The following FUCA1 variants were observed in gnomAD, a reference collection of about 807,000 sequenced individuals.
FUCA1 encodes alpha-L-fucosidase 1.
In FUCA1, 52 loss-of-function variants were observed where a neutral mutation model predicts 56.8. The observed-to-expected ratio is 0.92, with a 90% CI of 0.73 to 1.15. The LOEUF is 1.15. Among genes scored for constraint, FUCA1 ranks in the 50% most tolerant of loss-of-function variants. The pLI, the probability that FUCA1 is intolerant of heterozygous loss-of-function variation, is 0.00. For missense variants in FUCA1, 568 were observed against 592.6 expected (o/e 0.96, Z 0.43); for synonymous variants, 230 against 226.6 (o/e 1.02, Z -0.14).
chr1:23,851,298 C>T (rs1045421903), intron 5 of FUCA1, among the ~76,000 whole-genome samples: 5 of 151,864 alleles, frequency 3.3e-5, no homozygotes, highest in Admixed American at 2.0e-4. Context: ...CGGGAGACGG[C>T]GGTTGCAGCA....
At chr1:23,856,991 CAAAAAAAAAAGAAAAG>C (rs1223910972) in intron 4 of FUCA1, among the ~76,000 whole-genome samples, 5 of 128,356 alleles carry the variant, frequency 3.9e-5, no homozygotes, top group East Asian at 4.3e-4. Context: ...GACTCCCTCT[CAAAAAAAAAAGAAAAG>C]AAAAAAAAAA....
At chr1:23,858,463 T>C (rs920742460) in intron 4 of FUCA1, among the ~76,000 whole-genome samples, 6 of 152,202 alleles carry the variant, frequency 3.9e-5, no homozygotes, top group Non-Finnish European at 5.9e-5. Flanking sequence ...ATCTAGAACA[T>C]GTACAATCGT....
chr1:23,853,433 G>C (rs999239589), intron 5 of FUCA1, among the ~76,000 whole-genome samples: 1 of 151,546 alleles, frequency 6.6e-6, no homozygotes, highest in Non-Finnish European at 1.5e-5. Flanking sequence ...CCGTCCGGGA[G>C]GGAGGTGGGG....
rs55974551 is a variant in FUCA1, at chr1:23,850,544, C to T, written c.970-1705G>A. Among the ~76,000 whole-genome samples, 90 of 152,058 alleles carry T rather than the reference C, an allele frequency of 5.9e-4. 1 individual carries two copies. The highest frequency in any genetic ancestry group is 5.6e-3 in the East Asian group (29 of 5,158). On this transcript the variant is annotated intron_variant, in intron 5 of 7. Coordinates refer to ENST00000374479, the MANE Select transcript of FUCA1 (RefSeq NM_000147.5). ...TGTCACCCAGGCTGGAGTGCAGTGG[C>T]GCAATCTCAGCTCACTGCAACCTCT...
chr1:23,865,509 C>G lies in FUCA1; in HGVS notation c.506G>C (p.Gly169Ala). 1 of 1,614,208 alleles carries G rather than the reference C, an allele frequency of 6.2e-7. No homozygotes were observed. ...CACTCACCTCTTCCGGAGAGCTGTT[C>G]CCAATTCACCAACCAAATCCCGATG... ...GPHRDLVGEL[G>A]TALRKRNIRY... The change falls in exon 2 of 8, where the codon GGA becomes GCA. Residue 169 changes from glycine to alanine, a missense_variant. By Grantham distance (60) the Gly-to-Ala change is moderately conservative. Coordinates refer to ENST00000374479, the MANE Select transcript of FUCA1 (RefSeq NM_000147.5).
intron 6 of FUCA1, among the ~76,000 whole-genome samples, chr1:23,846,396 T>C (rs1639141955): frequency 6.6e-6 from 1 of 151,824 alleles, no homozygotes; most frequent in African/African-American, 2.4e-5. Context: ...TTCAGCCTCC[T>C]GAGTCACTGG....
At chr1:23,854,293 A>G in intron 5 of FUCA1, 67 bp downstream of exon 5, 2 of 1,305,714 alleles carry the variant, frequency 1.5e-6, no homozygotes, top group African/African-American at 1.5e-5. Flanking sequence ...TGAACATTAT[A>G]TAAAATAAAT....
intron 3 of FUCA1, 82 bp downstream of exon 3, chr1:23,863,052 C>T: frequency 1.4e-6 from 2 of 1,438,986 alleles, no homozygotes; most frequent in Non-Finnish European, 2.0e-6. Context: ...ATACCTATCC[C>T]TCCTCCACTT....
At chr1:23,858,758 T>A (rs1036101917) in intron 4 of FUCA1, among the ~76,000 whole-genome samples, 8 of 152,202 alleles carry the variant, frequency 5.3e-5, no homozygotes, top group African/African-American at 1.7e-4. Context: ...TTCTTTATTT[T>A]TATTTTTTGG....
intron 5 of FUCA1, among the ~76,000 whole-genome samples, chr1:23,852,558 G>C (rs199723841): frequency 0.42 from 63,044 of 151,418 alleles, 13,078 homozygotes; most frequent in East Asian, 0.47. Flanking sequence ...GCCACCTCGG[G>C]TCACTGCAGC....
intron 2 of FUCA1, among the ~76,000 whole-genome samples, chr1:23,864,606 C>T (rs1362215632): frequency 1.3e-5 from 2 of 152,070 alleles, no homozygotes; most frequent in Non-Finnish European, 2.9e-5. Flanking sequence ...CATATCTAAT[C>T]AATATCTCAG....
At chr1:23,866,222 G>C (rs1352087346) in intron 1 of FUCA1, among the ~76,000 whole-genome samples, 1 of 152,226 alleles carries the variant, frequency 6.6e-6, no homozygotes, top group Non-Finnish European at 1.5e-5. Context: ...TGGGGCATAA[G>C]AATCACTTGA....
Position 23,866,199 on chromosome 1 carries a change from G to A in FUCA1, c.390-574C>T, listed in dbSNP as rs972265911. Among the ~76,000 whole-genome samples the A allele has an allele frequency of 5.3e-5, 8 of 152,122 alleles. No individual in the cohort carries two copies. In the East Asian group the frequency reaches 1.2e-3, roughly 22 times the overall value. On this transcript the variant is annotated intron_variant, in intron 1 of 7. Transcript: ENST00000374479. ...TGGTGGTGTGTGCCTGTAGTCCCAG[G>A]TATTTGAGAGGCTGGGGCATAAGAA...
At chr1:23,851,114 A>G (rs1159337164) in intron 5 of FUCA1, among the ~76,000 whole-genome samples, 2 of 152,124 alleles carry the variant, frequency 1.3e-5, no homozygotes, top group Non-Finnish European at 2.9e-5. Flanking sequence ...TGCTCTAAAC[A>G]TTAACCCATA....
chr1:23,847,481 C>T (rs776412570), intron 6 of FUCA1, among the ~76,000 whole-genome samples: 1 of 151,884 alleles, frequency 6.6e-6, no homozygotes, highest in South Asian at 2.1e-4. Flanking sequence ...ATTCATATGT[C>T]GATGGTATAG....
chr1:23,847,342 C>CTT (rs71026630), intron 6 of FUCA1, among the ~76,000 whole-genome samples: 55 of 146,318 alleles, frequency 3.8e-4, no homozygotes, highest in East Asian at 1.2e-3. Flanking sequence ...TCAGAGATTT[C>CTT]TTTTTTTTTT....
chr1:23,859,847 CAGTA>C lies in FUCA1; in HGVS notation c.715_718del (p.Tyr239GlyfsTer21). The C allele has an allele frequency of 1.2e-6, 2 of 1,613,602 alleles. No individual in the cohort carries two copies. The highest frequency in any genetic ancestry group is 2.2e-5 in the East Asian group (1 of 44,872). ...CCATGAAAGAAAATTTGTGGAGTTC[CAGTA>C]AGTATCAGGACATTCCCACTCCCCA... On this transcript the variant is annotated frameshift_variant, in exon 4 of 8. Coordinates refer to ENST00000374479, the MANE Select transcript of FUCA1 (RefSeq NM_000147.5). LOFTEE classifies it high-confidence loss of function.
At position 23,863,215 on chromosome 1, in the gene FUCA1, A is replaced by G; in HGVS notation, c.581T>C (p.Leu194Pro). Residue 194 changes from leucine (L) to proline (P), a missense_variant, in exon 3 of 8, where the codon CTA becomes CCA. Coordinates refer to ENST00000374479, the MANE Select transcript of FUCA1 (RefSeq NM_000147.5). ...SLLEWFHPLY[L>P]LDKKNGFKTQ... ...TTTGAAGCCATTTTTCTTATCAAGT[A>G]GATAGAGTGGATGGAACCACTCTAA... 1 of 1,613,840 alleles carries G rather than the reference A, an allele frequency of 6.2e-7. No homozygotes were observed. Among genetic ancestry groups the G allele is most frequent in the Non-Finnish European group, 8.5e-7 (1 of 1,179,860 alleles).
intron 6 of FUCA1, among the ~76,000 whole-genome samples, chr1:23,848,220 T>C (rs1173832740): frequency 6.6e-6 from 1 of 152,058 alleles, no homozygotes; most frequent in African/African-American, 2.4e-5. Flanking sequence ...CTGGCACTCA[T>C]CTCATTTAAT....
Sources: gnomAD v4.1 joint callset for allele counts (sites outside exome capture counted in the v4.1 genomes callset) on GRCh38, gnomAD v4.1.1 for gene constraint, MANE v1.5 for transcripts, NCBI Gene and HGNC (gene_info 2026-07-23, HGNC 2026-07-21) for gene names.